FILIP1L: variants seen among roughly 807,000 people sequenced by gnomAD.
The protein encoded by FILIP1L is filamin A-interacting protein 1-like.
FILIP1L carries 55 observed loss-of-function variants against 96.6 expected under a neutral mutation model. The observed-to-expected ratio is 0.57, with a 90% CI of 0.46 to 0.71. The LOEUF (loss-of-function observed/expected upper bound fraction) is 0.71. FILIP1L is among the 30% of genes least tolerant of loss of function. FILIP1L has a pLI of 0.00. For missense variants in FILIP1L, 1,304 were observed against 1,321.2 expected, an observed-to-expected ratio of 0.99 and a Z score of 0.20; for synonymous variants, 467 against 473.9, an observed-to-expected ratio of 0.99 and a Z score of 0.19.
intron 1 of FILIP1L, among the ~76,000 whole-genome samples, chr3:100,002,794 A>G (rs1365360547): frequency 6.6e-6 from 1 of 152,146 alleles, no homozygotes; most frequent in African/African-American, 2.4e-5. Flanking sequence ...CTTGATCTCT[A>G]GTTATACATC....
intron 4 of FILIP1L, among the ~76,000 whole-genome samples, chr3:99,886,531 G>T (rs1262484205): frequency 6.6e-6 from 1 of 152,170 alleles, no homozygotes; most frequent in Non-Finnish European, 1.5e-5. Context: ...GCTTGGACAA[G>T]TTTGGTGTAC....
intron 1 of FILIP1L, among the ~76,000 whole-genome samples, chr3:100,103,332 G>T (rs1459901668): frequency 2.0e-5 from 3 of 152,242 alleles, no homozygotes; most frequent in Non-Finnish European, 4.4e-5. Flanking sequence ...AGCACAGCAG[G>T]AGGTTGGGCA....
At chr3:99,912,925 C>A (rs1256323672) in intron 4 of FILIP1L, among the ~76,000 whole-genome samples, 2 of 152,132 alleles carry the variant, frequency 1.3e-5, no homozygotes, top group East Asian at 3.9e-4. Context: ...TGTGTCCCCC[C>A]AAACTCTTAT....
chr3:99,850,132 TCA>T lies in FILIP1L; in HGVS notation c.1542_1543del (p.Glu515ArgfsTer2). 3.7e-6 allele frequency: 6 copies of T among 1,612,246 alleles called. No homozygotes were observed. Among genetic ancestry groups the T allele is most frequent in the Non-Finnish European group, 5.1e-6 (6 of 1,179,672 alleles). ...AGAAGAAGCAGCTTGTAATTTATCT[TCA>T]GTTTTCTTTAATTTTTCACTCATTG... On this transcript the variant is annotated frameshift_variant, in exon 5 of 6. Coordinates refer to ENST00000477258, the MANE Select transcript of FILIP1L (RefSeq NM_001387850.1). LOFTEE classifies it high-confidence loss of function.
At chr3:100,067,890 G>A (rs943924588) in intron 1 of FILIP1L, among the ~76,000 whole-genome samples, 2 of 151,814 alleles carry the variant, frequency 1.3e-5, no homozygotes, top group Non-Finnish European at 2.9e-5. Context: ...CACAATATTA[G>A]TAAACAGATG....
chr3:100,048,095 C>T (rs571720307), intron 1 of FILIP1L, among the ~76,000 whole-genome samples: 1 of 152,288 alleles, frequency 6.6e-6, no homozygotes, highest in East Asian at 1.9e-4. Flanking sequence ...AGCCACAATC[C>T]AAGTCCACTT....
intron 4 of FILIP1L, among the ~76,000 whole-genome samples, chr3:99,889,278 T>G (rs1249263975): frequency 6.6e-6 from 1 of 152,160 alleles, no homozygotes; most frequent in East Asian, 1.9e-4. Context: ...TATTTTTAGA[T>G]GCACACAAAT....
At chr3:99,941,087 A>G (rs1317900314) in intron 1 of FILIP1L, among the ~76,000 whole-genome samples, 1 of 152,256 alleles carries the variant, frequency 6.6e-6, no homozygotes, top group African/African-American at 2.4e-5. Flanking sequence ...GTTTAGTCTG[A>G]AACATTTGCA....
intron 1 of FILIP1L, among the ~76,000 whole-genome samples, chr3:99,956,494 A>G (rs898594681): frequency 1.3e-5 from 2 of 152,202 alleles, no homozygotes; most frequent in Non-Finnish European, 2.9e-5. Flanking sequence ...CTGGGATTAC[A>G]GGCACCCACT....
intron 1 of FILIP1L, among the ~76,000 whole-genome samples, chr3:99,977,000 A>G (rs1046366435): frequency 1.3e-5 from 2 of 152,202 alleles, no homozygotes; most frequent in East Asian, 1.9e-4. Flanking sequence ...ATTCTAGCCT[A>G]TGATCACCGT....
At chr3:99,889,953 A>G (rs1706031757) in intron 4 of FILIP1L, among the ~76,000 whole-genome samples, 1 of 152,214 alleles carries the variant, frequency 6.6e-6, no homozygotes. Context: ...ATTGGTTTAG[A>G]TATACCAATA....
chr3:100,025,196 C>T (rs1336896308), intron 1 of FILIP1L, among the ~76,000 whole-genome samples: 1 of 152,092 alleles, frequency 6.6e-6, no homozygotes, highest in Non-Finnish European at 1.5e-5. Flanking sequence ...TTTCCTATGC[C>T]TATAGTAGGG....
Position 99,926,550 on chromosome 3 carries a change from C to A in FILIP1L, c.427-2142G>T, listed in dbSNP as rs998354101. Among the ~76,000 whole-genome samples the A allele has an allele frequency of 3.9e-5, 6 of 152,300 alleles. 1 individual carries two copies. The highest frequency in any genetic ancestry group is 1.9e-4 in the East Asian group (1 of 5,184). ...TGAAATAGTGATAGGATCAGCTTTA[C>A]TTTAGGGAAGTTATTAGTTGACTTA... On this transcript the variant is annotated intron_variant, in intron 3 of 5. Transcript: ENST00000477258.
At chr3:99,941,303 C>T (rs950138409) in intron 1 of FILIP1L, among the ~76,000 whole-genome samples, 3 of 152,002 alleles carry the variant, frequency 2.0e-5, no homozygotes, top group South Asian at 2.1e-4. Flanking sequence ...TACAGGTTCA[C>T]GAGTAAATAC....
chr3:99,872,665 A>C (rs909901054), intron 4 of FILIP1L, among the ~76,000 whole-genome samples: 1 of 152,150 alleles, frequency 6.6e-6, no homozygotes, highest in Non-Finnish European at 1.5e-5. Context: ...AGAGCATAGA[A>C]ATGTGAGGAC....
At chr3:99,864,017 T>C (rs1944387677) in intron 4 of FILIP1L, among the ~76,000 whole-genome samples, 1 of 152,222 alleles carries the variant, frequency 6.6e-6, no homozygotes, top group Non-Finnish European at 1.5e-5. Context: ...AATACATCTT[T>C]ACAACTTCAT....
At chr3:100,060,988 T>G (rs1011539781) in intron 1 of FILIP1L, among the ~76,000 whole-genome samples, 7 of 152,200 alleles carry the variant, frequency 4.6e-5, no homozygotes, top group Admixed American at 3.9e-4. Context: ...CACGAGGTGA[T>G]GAGTTGCAGC....
rs139458654 is a variant in FILIP1L at position 99,965,947 on chromosome 3, T to C, written c.-10-34917A>G. Among the ~76,000 whole-genome samples the C allele has an allele frequency of 2.9e-4, 44 of 152,248 alleles. 1 individual carries two copies. In the East Asian group the frequency reaches 6.8e-3, roughly 23 times the overall value. ...CTCCTGTCCCGCCTGCCACCAGTTC[T>C]CCACTCTCTCCCCATATGTAAGCCC... On this transcript the variant is annotated intron_variant, in intron 1 of 5. Coordinates refer to ENST00000477258, the MANE Select transcript of FILIP1L (RefSeq NM_001387850.1).
At chr3:99,901,018 A>G (rs760756113) in intron 4 of FILIP1L, among the ~76,000 whole-genome samples, 1 of 152,250 alleles carries the variant, frequency 6.6e-6, no homozygotes, top group Non-Finnish European at 1.5e-5. Flanking sequence ...ATTGATAATT[A>G]TGAAGGCAGG....
Sources: gnomAD v4.1 joint callset for allele counts (sites outside exome capture counted in the v4.1 genomes callset) on GRCh38, gnomAD v4.1.1 for gene constraint, MANE v1.5 for transcripts, NCBI Gene and HGNC (gene_info 2026-07-23, HGNC 2026-07-21) for gene names.